The following NAV3 variants were observed in gnomAD, a reference collection of about 807,000 sequenced individuals.
The protein encoded by NAV3 is neuron navigator 3, also known as pore membrane and/or filament interacting like protein 1.
Under a neutral mutation model 244.7 loss-of-function variants are expected in NAV3, and 87 were observed. That is an observed-to-expected ratio of 0.36 (90% CI 0.30 to 0.42). The LOEUF (loss-of-function observed/expected upper bound fraction) is 0.42, where lower values mean the gene tolerates loss of function less well. Ranked by LOEUF, NAV3 falls within the 20% of genes least tolerant of loss-of-function variation. The pLI, the probability that NAV3 is intolerant of heterozygous loss-of-function variation, is 1.00. For synonymous variants in NAV3, 1,126 were observed against 1,042.2 expected (o/e 1.08, Z -1.55); for missense variants, 2,663 against 2,893.3 (o/e 0.92, Z 1.83).
intron 1 of NAV3, among the ~76,000 whole-genome samples, chr12:77,911,145 C>A (rs556572792): frequency 1.3e-5 from 2 of 151,978 alleles, no homozygotes; most frequent in Non-Finnish European, 2.9e-5. Flanking sequence ...CCAACATTAG[C>A]TTTAGAATAA....
At chr12:78,178,305 G>A (rs773264286) in intron 28 of NAV3, among the ~76,000 whole-genome samples, 4 of 151,394 alleles carry the variant, frequency 2.6e-5, no homozygotes, top group Non-Finnish European at 4.4e-5. Flanking sequence ...GTTTACAGGC[G>A]TGCACCACCA....
chr12:78,021,884 T>C (rs753937326), intron 9 of NAV3, 22 bp downstream of exon 9: 3 of 1,444,654 alleles, frequency 2.1e-6, no homozygotes, highest in South Asian at 2.3e-5. Flanking sequence ...CATCGATGCA[T>C]AGGTCAAACC....
At chr12:77,647,994 A>G (rs1872672736) in intron 2 of NAV3, among the ~76,000 whole-genome samples, 1 of 152,166 alleles carries the variant, frequency 6.6e-6, no homozygotes, top group Admixed American at 6.5e-5. Context: ...CAGCAGTTCA[A>G]AAATAATGAC....
At chr12:78,188,489 T>C in intron 32 of NAV3, 120 bp from the exon 33 acceptor site, 1 of 1,182,556 alleles carries the variant, frequency 8.5e-7, no homozygotes, top group Non-Finnish European at 1.2e-6. Context: ...TATTAACAGT[T>C]CTTATATTAC....
At chr12:77,812,328 CT>C (rs758230774) in intron 2 of NAV3, among the ~76,000 whole-genome samples, 3 of 152,032 alleles carry the variant, frequency 2.0e-5, no homozygotes, top group Non-Finnish European at 4.4e-5. Flanking sequence ...TTTCATTTCC[CT>C]CCTCTAAACT....
At chr12:77,737,287 G>T (rs888222251) in intron 2 of NAV3, among the ~76,000 whole-genome samples, 2 of 149,672 alleles carry the variant, frequency 1.3e-5, no homozygotes, top group African/African-American at 4.9e-5. Flanking sequence ...GAAATGCTGC[G>T]TTCACCCAAA....
intron 11 of NAV3, among the ~76,000 whole-genome samples, chr12:78,055,892 T>A (rs942255131): frequency 1.3e-5 from 2 of 152,196 alleles, no homozygotes; most frequent in African/African-American, 4.8e-5. Flanking sequence ...ACTAATTTTT[T>A]AAAAAATGCT....
intron 9 of NAV3, among the ~76,000 whole-genome samples, chr12:78,031,594 A>G (rs1878990562): frequency 1.3e-5 from 2 of 151,968 alleles, no homozygotes; most frequent in South Asian, 2.1e-4. Context: ...AGGGACATGG[A>G]TGAAATTGGA....
chr12:77,889,520 G>A (rs1883689314), intron 1 of NAV3, among the ~76,000 whole-genome samples: 1 of 152,184 alleles, frequency 6.6e-6, no homozygotes. Flanking sequence ...TAATGGAAAT[G>A]TGACTATTTT....
At chr12:78,067,927 G>T (rs1268049161) in intron 12 of NAV3, among the ~76,000 whole-genome samples, 1 of 151,930 alleles carries the variant, frequency 6.6e-6, no homozygotes, top group South Asian at 2.1e-4. Flanking sequence ...ATCTTATGAG[G>T]ATGGTAAACA....
intron 2 of NAV3, among the ~76,000 whole-genome samples, chr12:77,599,086 T>C (rs1342117295): frequency 6.6e-6 from 1 of 151,942 alleles, no homozygotes; most frequent in Non-Finnish European, 1.5e-5. Flanking sequence ...ATGAGTGTAA[T>C]TTAGATACCT....
intron 2 of NAV3, among the ~76,000 whole-genome samples, chr12:77,720,626 T>C (rs1293414255): frequency 6.6e-6 from 1 of 152,122 alleles, no homozygotes; most frequent in Non-Finnish European, 1.5e-5. Context: ...AAAACCAGAA[T>C]GTTAGATGCA....
Position 78,200,505 on chromosome 12 carries a change from G to A in NAV3, c.6748G>A (p.Val2250Ile), listed in dbSNP as rs1219449751. 3 of 1,595,970 alleles carry A rather than the reference G, an allele frequency of 1.9e-6. No homozygotes were observed. The Admixed American group carries it at 5.1e-5, about 27-fold the overall frequency. The change falls in exon 38 of 40, where the codon GTA becomes ATA. Residue 2250 changes from valine (V) to isoleucine (I), a missense_variant. Coordinates refer to ENST00000397909, the MANE Select transcript of NAV3 (RefSeq NM_001024383.2). ...ACTATTCCTTCCTTGCCCCATGGAT[G>A]TAGAAGGTTCTAGAGTATGGTTCAT... ...PRLFLPCPMD[V>I]EGSRVWFMDL...
chr12:77,857,514 C>T (rs1322880949), intron 1 of NAV3, among the ~76,000 whole-genome samples: 1 of 151,364 alleles, frequency 6.6e-6, no homozygotes, highest in Non-Finnish European at 1.5e-5. Flanking sequence ...TAATGAATTC[C>T]ATTTCTTTCA....
chr12:77,619,975 A>G (rs1871302739), intron 2 of NAV3, among the ~76,000 whole-genome samples: 1 of 152,228 alleles, frequency 6.6e-6, no homozygotes, highest in Non-Finnish European at 1.5e-5. Context: ...TATGAAAGGT[A>G]GATCATTATG....
rs1184380930 is a variant in NAV3 at position 78,211,877 on chromosome 12, G to C, written c.*1360G>C. 1.3e-5 allele frequency: 2 copies of C among 152,558 alleles called. No individual in the cohort carries two copies. The highest frequency in any genetic ancestry group is 2.9e-5 in the Non-Finnish European group (2 of 68,024). The allele number at this position is 152,558 out of a possible 1,614,324, so 9.5% of individuals were successfully genotyped here. A position where few individuals can be genotyped will look rare whatever the true frequency, so the allele number is the denominator to read the frequency against. On this transcript the variant is annotated 3_prime_UTR_variant, in exon 40 of 40. Transcript: ENST00000397909. ...TATACTGTAAAAGAAGGTTAGATTT[G>C]CACAGTCTACTGGGTAGGTATTGTA... is the stretch of plus-strand genomic sequence containing the variant.
intron 2 of NAV3, among the ~76,000 whole-genome samples, chr12:77,760,923 T>C (rs955652083): frequency 6.6e-6 from 1 of 152,228 alleles, no homozygotes; most frequent in African/African-American, 2.4e-5. Context: ...AAGCAATCCC[T>C]GACCACTTTA....
intron 2 of NAV3, among the ~76,000 whole-genome samples, chr12:77,689,552 C>G (rs1201157791): frequency 6.6e-6 from 1 of 151,818 alleles, no homozygotes; most frequent in Non-Finnish European, 1.5e-5. Flanking sequence ...AAAGGAGTAG[C>G]AGATGGTGGT....
At position 78,122,161 on chromosome 12, in the gene NAV3, G is replaced by T. The variant is rs2138691520; in HGVS notation, c.3971G>T (p.Ser1324Ile). The change falls in exon 16 of 40, where the codon AGC (serine) becomes ATC (isoleucine). Residue 1324 changes from serine (S) to isoleucine (I), a missense_variant. Around this residue, in one of 6 missense-constraint regions of NAV3, gnomAD observed 354 missense variants for 413.0 expected, o/e 0.86. Transcript: ENST00000397909. ...KPSDLTTDVI[S>I]LSHSLASSPA... ...TCAGACTTAACTACAGATGTTATAAGCTTAAGTCACTCGTTGGCCTCCAGC... is the reference window on the plus strand; with the variant it reads ...TCAGACTTAACTACAGATGTTATAATCTTAAGTCACTCGTTGGCCTCCAGC... The T allele has an allele frequency of 6.2e-7, 1 of 1,614,120 alleles. No individual in the cohort carries two copies. Among genetic ancestry groups the T allele is most frequent in the South Asian group, 1.1e-5 (1 of 91,076 alleles).
Sources: allele counts gnomAD v4.1 joint callset (sites outside exome capture counted in the v4.1 genomes callset), GRCh38; gene constraint gnomAD v4.1.1; regional missense constraint gnomAD v4.1.1; transcripts MANE v1.5; gene names NCBI Gene and HGNC (gene_info 2026-07-23, HGNC 2026-07-21).